The following FSTL4 variants were observed in gnomAD, a reference collection of about 807,000 sequenced individuals.
FSTL4 encodes follistatin like 4.
In FSTL4, 28 loss-of-function variants were observed where a neutral mutation model predicts 78.2. The ratio of observed to expected loss-of-function variants is 0.36; its 90% CI spans 0.27 to 0.49. The LOEUF is 0.49. Among genes scored for constraint, FSTL4 ranks in the 20% least tolerant of loss-of-function variants. FSTL4 has a pLI of 0.98. For synonymous variants in FSTL4, 422 were observed against 440.5 expected, an observed-to-expected ratio of 0.96 and a Z score of 0.53; for missense variants, 922 against 1,084.9, an observed-to-expected ratio of 0.85 and a Z score of 2.11.
At chr5:133,260,804 T>A (rs1436102750) in intron 6 of FSTL4, among the ~76,000 whole-genome samples, 1 of 152,210 alleles carries the variant, frequency 6.6e-6, no homozygotes, top group African/African-American at 2.4e-5. Context: ...TGGCCCCTGA[T>A]GGCCTGATTT....
chr5:133,686,058 G>C, the FSTL4 span, among the ~76,000 whole-genome samples: 1 of 152,100 alleles, frequency 6.6e-6, no homozygotes, highest in African/African-American at 2.4e-5. Flanking sequence ...ACAGCACAGG[G>C]GACTCTGTTC....
chr5:133,208,781 AT>A (rs1750609570), intron 14 of FSTL4, among the ~76,000 whole-genome samples: 1 of 152,094 alleles, frequency 6.6e-6, no homozygotes. Context: ...GGTTCAGGCG[AT>A]TCTCCTTGCT....
chr5:133,248,694 A>C (rs1752120110), intron 7 of FSTL4: 1 of 152,198 alleles, frequency 6.6e-6, no homozygotes, highest in South Asian at 2.1e-4. Context: ...ACCCCAACGG[A>C]GGCTGCCTGG....
the FSTL4 span, among the ~76,000 whole-genome samples, chr5:133,690,777 T>A: frequency 6.6e-6 from 1 of 152,350 alleles, no homozygotes; most frequent in Non-Finnish European, 1.5e-5. Context: ...GACTTGCACA[T>A]CCTCTGTCCA....
At chr5:133,545,555 A>G (rs1180696785) in intron 3 of FSTL4, among the ~76,000 whole-genome samples, 1 of 152,190 alleles carries the variant, frequency 6.6e-6, no homozygotes, top group Non-Finnish European at 1.5e-5. Context: ...AGCCAAAACA[A>G]ACCTCTTTTC....
the FSTL4 span, among the ~76,000 whole-genome samples, chr5:133,675,105 G>T: frequency 1.1e-4 from 17 of 152,086 alleles, no homozygotes; most frequent in South Asian, 2.1e-4. Flanking sequence ...GGGGCAGGGG[G>T]GTCCACGGGG....
At chr5:133,244,589 A>G (rs1751978429) in intron 7 of FSTL4, 1 of 152,418 alleles carries the variant, frequency 6.6e-6, no homozygotes, top group South Asian at 2.1e-4. Context: ...CATAATCCAG[A>G]GACCCACTGC....
At chr5:133,811,408 G>T in the FSTL4 span, among the ~76,000 whole-genome samples, 1 of 152,110 alleles carries the variant, frequency 6.6e-6, no homozygotes, top group Admixed American at 6.5e-5. Context: ...TCATAAATGG[G>T]TGTCTAAAAT....
chr5:133,771,911 T>G, the FSTL4 span, among the ~76,000 whole-genome samples: 18 of 152,330 alleles, frequency 1.2e-4, no homozygotes, highest in Admixed American at 1.1e-3. Flanking sequence ...CATAGTGGGT[T>G]TGATCATTAT....
chr5:133,797,805 AC>A, the FSTL4 span, among the ~76,000 whole-genome samples: 1 of 152,004 alleles, frequency 6.6e-6, no homozygotes, highest in Non-Finnish European at 1.5e-5. Flanking sequence ...CCCATCTCAT[AC>A]CCTGAGCAGC....
At chr5:133,321,149 G>C (rs1271545165) in intron 4 of FSTL4, among the ~76,000 whole-genome samples, 5 of 152,160 alleles carry the variant, frequency 3.3e-5, no homozygotes, top group African/African-American at 1.2e-4. Context: ...GAGAGGTGGG[G>C]GGTATGGGGG....
At chr5:133,322,579 A>G (rs1342357379) in intron 4 of FSTL4, among the ~76,000 whole-genome samples, 1 of 152,184 alleles carries the variant, frequency 6.6e-6, no homozygotes. Flanking sequence ...TGGGGGTTCA[A>G]TCCCATGGGG....
chr5:133,726,809 G>T, the FSTL4 span, among the ~76,000 whole-genome samples: 1 of 152,170 alleles, frequency 6.6e-6, no homozygotes, highest in Admixed American at 6.5e-5. Context: ...AATAAAACCA[G>T]TTTGAACAAT....
chr5:133,373,033 C>T lies in FSTL4; in HGVS notation c.409+27705G>A, dbSNP rs182559221. Among the ~76,000 whole-genome samples, 38 of 152,216 alleles carry T rather than the reference C, an allele frequency of 2.5e-4. No individual in the cohort carries two copies. In the East Asian group the frequency reaches 7.2e-3, roughly 29 times the overall value. On this transcript the variant is annotated intron_variant, in intron 4 of 15. Transcript: ENST00000265342. ...AGGTATTAGGAGGTGGGGGGAGCCT[C>T]ATGAATGGGATTAGTGCCTTTCTCA...
intron 4 of FSTL4, among the ~76,000 whole-genome samples, chr5:133,369,459 G>A (rs1755245154): frequency 1.3e-5 from 2 of 152,008 alleles, no homozygotes; most frequent in South Asian, 4.2e-4. Flanking sequence ...GATGAGAAGG[G>A]GACTGAGAAA....
chr5:133,203,158 G>A (rs1282375193), intron 14 of FSTL4, among the ~76,000 whole-genome samples: 1 of 152,224 alleles, frequency 6.6e-6, no homozygotes, highest in Admixed American at 6.5e-5. Context: ...TACAGGCCCC[G>A]AGAAGCCCAG....
chr5:133,494,675 T>C (rs1051166971), intron 3 of FSTL4, among the ~76,000 whole-genome samples: 4 of 152,214 alleles, frequency 2.6e-5, no homozygotes, highest in Non-Finnish European at 5.9e-5. Context: ...CTAAACTGTA[T>C]GTGAGAAAAT....
At chr5:133,685,132 A>G in the FSTL4 span, among the ~76,000 whole-genome samples, 1 of 152,150 alleles carries the variant, frequency 6.6e-6, no homozygotes, top group East Asian at 1.9e-4. Context: ...CTAATTTTCA[A>G]AGGGCATGGG....
intron 3 of FSTL4, among the ~76,000 whole-genome samples, chr5:133,503,080 A>C (rs1243067194): frequency 6.6e-6 from 1 of 152,250 alleles, no homozygotes; most frequent in Admixed American, 6.5e-5. Context: ...CACTGTATCA[A>C]TGTAAAGTCA....
Sources: gnomAD v4.1 joint callset for allele counts (sites outside exome capture counted in the v4.1 genomes callset) on GRCh38, gnomAD v4.1.1 for gene constraint, MANE v1.5 for transcripts, NCBI Gene and HGNC (gene_info 2026-07-23, HGNC 2026-07-21) for gene names.